The following BEND6 variants were observed in gnomAD, a reference collection of about 807,000 sequenced individuals.
BEND6 encodes BEN domain-containing protein 6.
BEND6 carries 24 observed loss-of-function variants against 31.8 expected under a neutral mutation model. The ratio of observed to expected loss-of-function variants is 0.75; its 90% confidence interval spans 0.55 to 1.06. The LOEUF (loss-of-function observed/expected upper bound fraction) is 1.06. BEND6 is among the 50% of genes least tolerant of loss of function. The pLI, the probability that BEND6 is intolerant of heterozygous loss-of-function variation, is 0.00. For synonymous variants in BEND6, 109 were observed against 114.6 expected (o/e 0.95, Z 0.31); for missense variants, 294 against 327.4 (o/e 0.90, Z 0.79).
In BEND6 at chr6:56,968,312, C is replaced by CTT. The variant is rs779756084; in HGVS notation, c.-101+12877_-101+12878dup. 3.7e-3 allele frequency among the ~76,000 whole-genome samples: 242 copies of CTT among 65,986 alleles called. 20 individuals are homozygous for CTT. Among genetic ancestry groups the CTT allele is most frequent in the African/African-American group, 0.012 (177 of 15,154 alleles). 43.3% of individuals were successfully genotyped at this position (65,986 alleles called of 152,430 possible). A position where few individuals can be genotyped will look rare whatever the true frequency, so the allele number is the denominator to read the frequency against. On this transcript the variant is annotated intron_variant, in intron 1 of 6. Transcript: ENST00000370746. ...TTCTTTTTCTTTCTTTCTTTCTTTT[C>CTT]TTTTTTTTTTTTTTTTTTTTTTTTT... is the stretch of plus-strand genomic sequence containing the variant.
At chr6:56,965,453 T>A (rs1023126007) in intron 1 of BEND6, among the ~76,000 whole-genome samples, 5 of 152,182 alleles carry the variant, frequency 3.3e-5, no homozygotes, top group Non-Finnish European at 5.9e-5. Flanking sequence ...GGCTCATACC[T>A]GTAACACCAG....
intron 1 of BEND6, among the ~76,000 whole-genome samples, chr6:56,961,147 G>A (rs559142671): frequency 6.6e-6 from 1 of 152,122 alleles, no homozygotes; most frequent in Non-Finnish European, 1.5e-5. Context: ...TCAGAATCAT[G>A]CAAATCCACA....
chr6:56,998,112 G>A (rs1005249972), intron 3 of BEND6, among the ~76,000 whole-genome samples: 5 of 152,064 alleles, frequency 3.3e-5, no homozygotes, highest in Non-Finnish European at 7.3e-5. Flanking sequence ...GAGGGAGAGG[G>A]AGTGGTTTAC....
chr6:57,016,000 GA>G (rs1303423938), intron 4 of BEND6, among the ~76,000 whole-genome samples: 1 of 152,028 alleles, frequency 6.6e-6, no homozygotes, highest in Non-Finnish European at 1.5e-5. Flanking sequence ...ACCCAGTTTA[GA>G]AAATTAAAGC....
chr6:57,006,775 T>G (rs540618093), intron 3 of BEND6, among the ~76,000 whole-genome samples: 2 of 152,318 alleles, frequency 1.3e-5, no homozygotes, highest in African/African-American at 4.8e-5. Context: ...AGACCCTGAA[T>G]AGCCAAAGCA....
intron 3 of BEND6, among the ~76,000 whole-genome samples, chr6:57,012,579 A>AATTAAT (rs1319886077): frequency 1.3e-5 from 2 of 152,208 alleles, no homozygotes; most frequent in African/African-American, 4.8e-5. Flanking sequence ...CTTTAATTGT[A>AATTAAT]TGTAAATTAG....
intron 1 of BEND6, among the ~76,000 whole-genome samples, chr6:56,967,027 C>G (rs1470265180): frequency 1.3e-5 from 2 of 152,096 alleles, no homozygotes; most frequent in African/African-American, 4.8e-5. Context: ...AATAACCCAG[C>G]AAACAAATAG....
intron 1 of BEND6, among the ~76,000 whole-genome samples, chr6:56,964,346 C>T (rs376534015): frequency 6.6e-6 from 1 of 152,130 alleles, no homozygotes; most frequent in Non-Finnish European, 1.5e-5. Context: ...CATAGAAGGA[C>T]AAGTTTAGTC....
Position 56,961,057 on chromosome 6 carries a change from G to C in BEND6, c.-101+5597G>C, listed in dbSNP as rs570651665. Among the ~76,000 whole-genome samples the C allele has an allele frequency of 2.6e-5, 4 of 152,268 alleles. No homozygotes were observed. The East Asian group carries it at 5.8e-4, about 22-fold the overall frequency. On this transcript the variant is annotated intron_variant, in intron 1 of 6. Coordinates refer to ENST00000370746, the MANE Select transcript of BEND6 (RefSeq NM_152731.3). ...GACCTGAAATTACATGTAAAAACTTGTGTCTCATTTTGAGGACATGATCCA... is the reference window on the plus strand; with the variant it reads ...GACCTGAAATTACATGTAAAAACTTCTGTCTCATTTTGAGGACATGATCCA...
chr6:57,003,127 AAC>A lies in BEND6; in HGVS notation c.298+10579_298+10580del, dbSNP rs553027892. Among the ~76,000 whole-genome samples, 246 of 152,264 alleles carry A rather than the reference AAC, an allele frequency of 1.6e-3. 2 individuals carry two copies. The highest frequency in any genetic ancestry group is 0.01 in the Middle Eastern group (3 of 294). ...TAGAGGAAATGCATGCATTCTTAGAAACACACACTCTCCTAAGGTTGAACCAG... is the reference window on the plus strand; with the variant it reads ...TAGAGGAAATGCATGCATTCTTAGAAACACACTCTCCTAAGGTTGAACCAG... On this transcript the variant is annotated intron_variant, in intron 3 of 6. Transcript: ENST00000370746.
At chr6:56,971,175 C>T (rs184040423) in intron 1 of BEND6, among the ~76,000 whole-genome samples, 17 of 152,204 alleles carry the variant, frequency 1.1e-4, no homozygotes, top group Non-Finnish European at 2.1e-4. Context: ...TTCTACTTTC[C>T]GTCTCTATGA....
At chr6:57,002,752 C>A (rs1826992290) in intron 3 of BEND6, among the ~76,000 whole-genome samples, 1 of 151,880 alleles carries the variant, frequency 6.6e-6, no homozygotes, top group Admixed American at 6.6e-5. Context: ...ACATTTACCT[C>A]AAAAAGTTAG....
intron 1 of BEND6, among the ~76,000 whole-genome samples, chr6:56,978,459 T>C (rs555451835): frequency 2.0e-5 from 3 of 152,310 alleles, no homozygotes; most frequent in African/African-American, 7.2e-5. Context: ...AAATCACTTA[T>C]CTACTTTCTG....
At chr6:57,001,283 T>G (rs6915492) in intron 3 of BEND6, among the ~76,000 whole-genome samples, 1 of 151,050 alleles carries the variant, frequency 6.6e-6, no homozygotes, top group Non-Finnish European at 1.5e-5. Flanking sequence ...TCCACCTCAC[T>G]CTCCCAAGTA....
chr6:57,018,419 A>T lies in BEND6; in HGVS notation c.713-2A>T. On this transcript the variant is annotated splice_acceptor_variant, in intron 5 of 6. Transcript: ENST00000370746. LOFTEE classifies it high-confidence loss of function. ...TCATGTGTCGCTATTGGTTTTTTAC[A>T]GGAGTAACAAAACAATTATTTCCCA... 6.3e-7 allele frequency: 1 copy of T among 1,581,692 alleles called. No homozygotes were observed. The highest frequency in any genetic ancestry group is 8.5e-7 in the Non-Finnish European group (1 of 1,170,070).
intron 3 of BEND6, among the ~76,000 whole-genome samples, chr6:57,000,540 C>A (rs12212720): frequency 9.2e-5 from 14 of 151,400 alleles, no homozygotes; most frequent in African/African-American, 3.2e-4. Context: ...ACATCCCCCT[C>A]TCCGAGAAAC....
intron 1 of BEND6, among the ~76,000 whole-genome samples, chr6:56,968,312 CTTTTTTTTTTTTTT>C (rs779756084): frequency 3.0e-5 from 2 of 65,988 alleles, no homozygotes; most frequent in Admixed American, 2.5e-4. Context: ...TCTTTCTTTT[CTTTTTTTTTTTTTT>C]TTTTTTTTTT....
At chr6:57,023,745 A>G (rs1827821927) in intron 6 of BEND6, among the ~76,000 whole-genome samples, 1 of 152,212 alleles carries the variant, frequency 6.6e-6, no homozygotes, top group African/African-American at 2.4e-5. Context: ...AGCTAGGACT[A>G]TAGGCACATG....
intron 3 of BEND6, among the ~76,000 whole-genome samples, chr6:56,996,095 T>C (rs532713630): frequency 6.6e-6 from 1 of 152,184 alleles, no homozygotes; most frequent in Admixed American, 6.5e-5. Flanking sequence ...ACTAGGACTT[T>C]TTTCTTTTCT....
Sources: allele counts gnomAD v4.1 joint callset (sites outside exome capture counted in the v4.1 genomes callset), GRCh38; gene constraint gnomAD v4.1.1; transcripts MANE v1.5; gene names NCBI Gene and HGNC (gene_info 2026-07-23, HGNC 2026-07-21).